SAMD8: variants seen among roughly 807,000 people sequenced by gnomAD.
SAMD8 encodes sterile alpha motif domain containing 8.
Under a neutral mutation model 42.0 loss-of-function variants are expected in SAMD8, and 20 were observed. That is an observed-to-expected ratio of 0.48 (90% CI 0.34 to 0.69). The LOEUF (loss-of-function observed/expected upper bound fraction) is 0.69. Ranked by LOEUF, SAMD8 falls within the 30% of genes least tolerant of loss-of-function variation. The probability of loss-of-function intolerance (pLI) is 0.01; values close to 1 mark genes in which losing one functional copy is unlikely to be tolerated. For synonymous variants in SAMD8, 162 were observed against 173.0 expected (o/e 0.94, Z 0.50); for missense variants, 328 against 511.6 (o/e 0.64, Z 3.46).
chr10:75,108,780 T>C (rs1203665707), upstream of SAMD8, among the ~76,000 whole-genome samples: 1 of 152,164 alleles, frequency 6.6e-6, no homozygotes, highest in Admixed American at 6.5e-5. Context: ...CTGGAACTCC[T>C]GGGAGACTCC....
At chr10:75,124,809 CT>C (rs199513847) in intron 1 of SAMD8, among the ~76,000 whole-genome samples, 36,250 of 144,826 alleles carry the variant, frequency 0.25, 4,817 homozygotes, top group East Asian at 0.58. Context: ...TTCTTTTTTT[CT>C]TTTTTTTTTT....
intron 1 of SAMD8, among the ~76,000 whole-genome samples, chr10:75,138,527 A>G (rs1307798847): frequency 6.6e-6 from 1 of 152,228 alleles, no homozygotes; most frequent in Non-Finnish European, 1.5e-5. Context: ...TCATTGACTA[A>G]AGACTATCTG....
In SAMD8 at chr10:75,128,134, G is replaced by A. The variant is rs192652660; in HGVS notation, c.-16+16412G>A. On this transcript the variant is annotated intron_variant, in intron 1 of 5. Transcript: ENST00000542569. ...GTCACCTAGGCTGGAGTGCAATGGC[G>A]CGATCTTGGCTCATTGCAACCTCCG... Among the ~76,000 whole-genome samples the A allele has an allele frequency of 2.2e-3, 314 of 142,892 alleles. 3 individuals are homozygous for A. The highest frequency in any genetic ancestry group is 3.3e-3 in the Non-Finnish European group (222 of 66,844). The allele number at this position is 142,892 out of a possible 152,430, so 93.7% of individuals were successfully genotyped here.
At chr10:75,139,830 A>C (rs535594244) in intron 1 of SAMD8, among the ~76,000 whole-genome samples, 1 of 152,104 alleles carries the variant, frequency 6.6e-6, no homozygotes, top group Non-Finnish European at 1.5e-5. Flanking sequence ...CCAATTCATC[A>C]ATTTGTTTTT....
chr10:75,136,750 A>G, intron 1 of SAMD8, among the ~76,000 whole-genome samples: 1 of 152,208 alleles, frequency 6.6e-6, no homozygotes, highest in East Asian at 1.9e-4. Context: ...ACCCAGTAAA[A>G]ACATAGGCAA....
intron 3 of SAMD8, among the ~76,000 whole-genome samples, 157 bp downstream of exon 3, chr10:75,164,897 G>A (rs1449146605): frequency 1.3e-5 from 2 of 152,228 alleles, no homozygotes; most frequent in Non-Finnish European, 2.9e-5. Context: ...ATCAGTAAGA[G>A]TCAGCCTAAG....
rs143195801 is a variant in SAMD8, at chr10:75,141,091, C to G, written c.-15-9423C>G. Among the ~76,000 whole-genome samples, 482 of 152,228 alleles carry G rather than the reference C, an allele frequency of 3.2e-3. 1 individual carries two copies. Among genetic ancestry groups the G allele is most frequent in the African/African-American group, 0.011 (439 of 41,550 alleles). ...GGGTGTGATAGCTCACGCCTGTAATCCCACACTTTGGGAGGCTGAGGCAGG... is the reference window on the plus strand; with the variant it reads ...GGGTGTGATAGCTCACGCCTGTAATGCCACACTTTGGGAGGCTGAGGCAGG... On this transcript the variant is annotated intron_variant, in intron 1 of 5. Transcript: ENST00000542569.
intron 4 of SAMD8, among the ~76,000 whole-genome samples, chr10:75,170,772 T>C (rs1182586303): frequency 2.6e-5 from 1 of 39,198 alleles, no homozygotes; most frequent in Non-Finnish European, 4.1e-5. Context: ...TTTTTTGGGT[T>C]TTTTTTTTTT....
chr10:75,178,903 C>T lies in SAMD8; in HGVS notation c.*2211C>T, dbSNP rs1841035786. 6.6e-6 allele frequency: 1 copy of T among 152,290 alleles called. No individual in the cohort carries two copies. The highest frequency in any genetic ancestry group is 6.5e-5 in the Admixed American group (1 of 15,274). 9.4% of individuals were successfully genotyped at this position (152,290 alleles called of 1,614,324 possible). On this transcript the variant is annotated 3_prime_UTR_variant, in exon 6 of 6. Coordinates refer to ENST00000542569, the MANE Select transcript of SAMD8 (RefSeq NM_001174156.2). ...AATTAGCTGGGCATGGTGGCACGCA[C>T]TTGTAATCCCAGCTACTTGGGAGAC...
chr10:75,111,599 C>T (rs958839586), upstream of SAMD8: 22 of 1,250,058 alleles, frequency 1.8e-5, no homozygotes, highest in Non-Finnish European at 2.2e-5. Context: ...GCTCCCCGCC[C>T]CGGGCTCCGC....
At chr10:75,157,507 G>T (rs999611641) in intron 2 of SAMD8, among the ~76,000 whole-genome samples, 2 of 152,234 alleles carry the variant, frequency 1.3e-5, no homozygotes, top group Non-Finnish European at 2.9e-5. Context: ...GTTGCCATAT[G>T]TGATGGTGGA....
rs1841039165 is a variant in SAMD8 at position 75,179,097 on chromosome 10, T to C, written c.*2405T>C. 1 of 151,638 alleles carries C rather than the reference T, an allele frequency of 6.6e-6. No homozygotes were observed. The highest frequency in any genetic ancestry group is 6.6e-5 in the Admixed American group (1 of 15,234). The allele number at this position is 151,638 out of a possible 1,614,324, so 9.4% of individuals were successfully genotyped here. A position where few individuals can be genotyped will look rare whatever the true frequency, so the allele number is the denominator to read the frequency against. On this transcript the variant is annotated 3_prime_UTR_variant, in exon 6 of 6. Transcript: ENST00000542569. ...TGTCTAATGCCTGTAATCGCAGCAC[T>C]TTGGGAGGCTAAGGCAGGAGGATCA...
At chr10:75,119,948 A>G (rs145044812) in intron 1 of SAMD8, among the ~76,000 whole-genome samples, 21 of 152,244 alleles carry the variant, frequency 1.4e-4, no homozygotes, top group African/African-American at 4.6e-4. Context: ...CGCATCTGTA[A>G]TCCCAGCTAC....
chr10:75,111,437 C>T (rs1206456734), upstream of SAMD8: 10 of 1,081,508 alleles, frequency 9.2e-6, no homozygotes, highest in East Asian at 3.1e-4. Flanking sequence ...CAGTGTGGGC[C>T]CCGCCCCCTG....
chr10:75,103,108 G>A (rs1848277900), intron 1 of SAMD8, among the ~76,000 whole-genome samples: 1 of 152,208 alleles, frequency 6.6e-6, no homozygotes. Flanking sequence ...CAACTGGAGT[G>A]AGACCCTCTC....
chr10:75,124,491 T>C (rs1849081911), intron 1 of SAMD8, among the ~76,000 whole-genome samples: 1 of 151,558 alleles, frequency 6.6e-6, no homozygotes, highest in African/African-American at 2.4e-5. Flanking sequence ...CGCACGCCTG[T>C]AGTTCCAGCT....
chr10:75,128,417 G>T (rs1045410341), intron 1 of SAMD8, among the ~76,000 whole-genome samples: 3 of 151,954 alleles, frequency 2.0e-5, no homozygotes, highest in African/African-American at 7.3e-5. Flanking sequence ...TCCATATGTT[G>T]CCCAGGCTGG....
chr10:75,103,840 G>C (rs1181999298), intron 1 of SAMD8: 2 of 1,238,222 alleles, frequency 1.6e-6, no homozygotes, highest in East Asian at 5.8e-5. Context: ...AGGGAACTTG[G>C]GGTCCCTGGC....
upstream of SAMD8, among the ~76,000 whole-genome samples, chr10:75,107,148 C>T (rs1407147161): frequency 6.6e-6 from 1 of 152,178 alleles, no homozygotes; most frequent in Non-Finnish European, 1.5e-5. Flanking sequence ...CCAGCCTCGC[C>T]AACATGGTGA....
Sources: gnomAD v4.1 joint callset for allele counts (sites outside exome capture counted in the v4.1 genomes callset) on GRCh38, gnomAD v4.1.1 for gene constraint, MANE v1.5 for transcripts, NCBI Gene and HGNC (gene_info 2026-07-23, HGNC 2026-07-21) for gene names.